SGIP1: variants seen among roughly 807,000 people sequenced by gnomAD.
SGIP1 encodes the protein SH3-containing GRB2-like protein 3-interacting protein 1.
A neutral mutation model predicts 107.5 loss-of-function variants in SGIP1; 38 were observed. The ratio of observed to expected loss-of-function variants is 0.35; its 90% CI spans 0.27 to 0.46. The LOEUF (loss-of-function observed/expected upper bound fraction) is 0.46, where lower values mean the gene tolerates loss of function less well. Among genes scored for constraint, SGIP1 ranks in the 20% least tolerant of loss-of-function variants. SGIP1 has a pLI of 1.00. For missense variants in SGIP1, 929 were observed against 1,019.5 expected, an observed-to-expected ratio of 0.91 and a Z score of 1.21; for synonymous variants, 365 against 366.1, an observed-to-expected ratio of 1.00 and a Z score of 0.03.
At chr1:66,576,926 AG>A (rs2061148376) in intron 1 of SGIP1, among the ~76,000 whole-genome samples, 1 of 152,170 alleles carries the variant, frequency 6.6e-6, no homozygotes, top group Non-Finnish European at 1.5e-5. Flanking sequence ...CTGCCTGCTC[AG>A]GGTGGCAGCT....
chr1:66,645,941 A>G (rs2077576724), intron 7 of SGIP1, among the ~76,000 whole-genome samples: 1 of 152,134 alleles, frequency 6.6e-6, no homozygotes, highest in African/African-American at 2.4e-5. Context: ...CACGGGTTCA[A>G]GTGAGTCTCT....
intron 2 of SGIP1, among the ~76,000 whole-genome samples, chr1:66,630,072 T>G (rs1287473878): frequency 1.3e-5 from 2 of 152,258 alleles, no homozygotes; most frequent in East Asian, 3.9e-4. Context: ...CCGGTGCCCT[T>G]AGCCACCATG....
chr1:66,689,010 G>T (rs2089182645), intron 15 of SGIP1, 138 bp from the exon 16 acceptor site: 5 of 864,666 alleles, frequency 5.8e-6, no homozygotes, highest in Admixed American at 3.2e-5. Context: ...AGAGAAAAAA[G>T]AAAGTGCTAC....
At chr1:66,593,943 T>C (rs1460839025) in intron 1 of SGIP1, among the ~76,000 whole-genome samples, 3 of 152,218 alleles carry the variant, frequency 2.0e-5, no homozygotes, top group Admixed American at 2.0e-4. Context: ...TCTTAAAGAA[T>C]AGAACACATA....
chr1:66,735,826 CAAAAAAAAAAAAA>C (rs1233871897), intron 21 of SGIP1, among the ~76,000 whole-genome samples: 1 of 79,174 alleles, frequency 1.3e-5, no homozygotes, highest in East Asian at 1.3e-3. Context: ...GACTCCGTCT[CAAAAAAAAAAAAA>C]AAAAAAAAAA....
intron 13 of SGIP1, among the ~76,000 whole-genome samples, chr1:66,678,589 G>A (rs1212571145): frequency 6.6e-6 from 1 of 152,156 alleles, no homozygotes; most frequent in African/African-American, 2.4e-5. Context: ...TCCACTAGAG[G>A]TGTAGCTTTC....
intron 3 of SGIP1, among the ~76,000 whole-genome samples, chr1:66,633,324 A>G (rs1202063896): frequency 2.0e-5 from 3 of 152,188 alleles, no homozygotes; most frequent in Non-Finnish European, 4.4e-5. Context: ...AGCAGGCAGG[A>G]AAACAGATGG....
intron 19 of SGIP1, among the ~76,000 whole-genome samples, chr1:66,727,038 G>A (rs1356110735): frequency 1.3e-5 from 2 of 152,126 alleles, no homozygotes; most frequent in Admixed American, 6.5e-5. Context: ...TCTTAAATAA[G>A]ACACCGAAAG....
At chr1:66,719,261 T>C (rs768222440) in intron 18 of SGIP1, 33 bp from the exon 19 acceptor site, 2 of 1,476,834 alleles carry the variant, frequency 1.4e-6, no homozygotes, top group African/African-American at 2.8e-5. Context: ...TCTCCTATTT[T>C]CATAATAAAT....
At chr1:66,695,271 A>AAAAAAAAAAAAAAAAAAAAT in intron 17 of SGIP1, 163 bp from the exon 18 acceptor site, 1 of 1,325,070 alleles carries the variant, frequency 7.5e-7, no homozygotes, top group African/African-American at 1.5e-5. Flanking sequence ...AAAAAAAAAA[A>AAAAAAAAAAAAAAAAAAAAT]GTGTAGATTG....
In SGIP1 at chr1:66,635,940, C is replaced by G. The variant is rs373120033; in HGVS notation, c.100-4C>G. The G allele has an allele frequency of 7.3e-5, 117 of 1,613,390 alleles. No individual in the cohort carries two copies. Among genetic ancestry groups the G allele is most frequent in the Non-Finnish European group, 9.5e-5 (112 of 1,179,748 alleles). On this transcript the variant is annotated splice_polypyrimidine_tract_variant and splice_region_variant and intron_variant, in intron 3 of 24. Transcript: ENST00000371037. ...TTTTTCTACATGAAAACAATCAATT[C>G]CAGCAGCCCAGCCCACACGAACCAC...
At chr1:66,590,342 C>T (rs1239421432) in intron 1 of SGIP1, 1 of 152,128 alleles carries the variant, frequency 6.6e-6, no homozygotes, top group Non-Finnish European at 1.5e-5. Context: ...TAAGGAAGTC[C>T]TTTAGTAAAC....
chr1:66,633,182 G>A, intron 3 of SGIP1, 88 bp downstream of exon 3: 1 of 878,824 alleles, frequency 1.1e-6, no homozygotes, highest in Non-Finnish European at 1.8e-6. Context: ...TTTTCCTGTA[G>A]GGAAAAAAAT....
intron 1 of SGIP1, among the ~76,000 whole-genome samples, chr1:66,554,688 G>T (rs932476840): frequency 7.9e-5 from 12 of 151,986 alleles, no homozygotes; most frequent in Non-Finnish European, 1.5e-4. Flanking sequence ...TTAGACTTGG[G>T]TCTCATCCCC....
chr1:66,627,899 T>TC (rs2073285467), intron 2 of SGIP1, among the ~76,000 whole-genome samples: 1 of 71,998 alleles, frequency 1.4e-5, no homozygotes, highest in African/African-American at 5.2e-5. Context: ...CCCTCCCCCC[T>TC]CCCCCACCCC....
intron 2 of SGIP1, among the ~76,000 whole-genome samples, chr1:66,626,880 C>T (rs1454423390): frequency 6.6e-6 from 1 of 152,016 alleles, no homozygotes; most frequent in Admixed American, 6.6e-5. Context: ...TGTATGGGCA[C>T]AGGTGAAAAT....
chr1:66,647,646 C>A (rs1002441515), intron 7 of SGIP1, among the ~76,000 whole-genome samples: 1 of 152,096 alleles, frequency 6.6e-6, no homozygotes, highest in Non-Finnish European at 1.5e-5. Context: ...ATTCCCAGTA[C>A]CTATTAAATC....
At chr1:66,669,701 A>G (rs2083347157) in intron 9 of SGIP1, among the ~76,000 whole-genome samples, 1 of 152,202 alleles carries the variant, frequency 6.6e-6, no homozygotes. Flanking sequence ...AATTCTCTAT[A>G]TGACACACTT....
intron 2 of SGIP1, among the ~76,000 whole-genome samples, chr1:66,631,681 TTCTCTCTCTCTCTCTCTCTCTC>T (rs71058468): frequency 0.16 from 20,648 of 132,302 alleles, 1,570 homozygotes; most frequent in African/African-American, 0.19. Flanking sequence ...CTCTCTCTCT[TTCTCTCTCTCTCTCTCTCTCTC>T]TCTCTCTCTC....
Sources: gnomAD v4.1 joint callset for allele counts (sites outside exome capture counted in the v4.1 genomes callset) on GRCh38, gnomAD v4.1.1 for gene constraint, MANE v1.5 for transcripts, NCBI Gene and HGNC (gene_info 2026-07-23, HGNC 2026-07-21) for gene names.